The following MYLK variants were observed in gnomAD, a reference collection of about 807,000 sequenced individuals.
MYLK encodes the protein myosin light chain kinase.
MYLK carries 106 observed loss-of-function variants against 203.4 expected under a neutral mutation model. The ratio of observed to expected loss-of-function variants is 0.52; its 90% CI spans 0.45 to 0.61. MYLK has a LOEUF of 0.61. Ranked by LOEUF, MYLK falls within the 20% of genes least tolerant of loss-of-function variation. The probability of loss-of-function intolerance (pLI) is 0.00; values close to 1 mark genes in which losing one functional copy is unlikely to be tolerated. For synonymous variants in MYLK, 867 were observed against 959.5 expected (o/e 0.90, Z 1.78); for missense variants, 2,072 against 2,442.3 (o/e 0.85, Z 3.20).
At chr3:123,785,614 G>A (rs1006680205) in intron 4 of MYLK, among the ~76,000 whole-genome samples, 4 of 152,206 alleles carry the variant, frequency 2.6e-5, no homozygotes, top group South Asian at 4.1e-4. Flanking sequence ...TTGTGAATGG[G>A]ACAACTATTT....
intron 4 of MYLK, among the ~76,000 whole-genome samples, chr3:123,777,820 G>A (rs2064135018): frequency 6.6e-6 from 1 of 152,136 alleles, no homozygotes; most frequent in South Asian, 2.1e-4. Context: ...TTATGCACAG[G>A]GACATGTGTA....
intron 4 of MYLK, among the ~76,000 whole-genome samples, chr3:123,791,135 A>G (rs6438810): frequency 0.046 from 7,021 of 152,182 alleles, 529 homozygotes; most frequent in African/African-American, 0.16. Context: ...CAGGACCTGG[A>G]GGGAGGGGTC....
chr3:123,709,006 T>A (rs2061575393), intron 14 of MYLK, 111 bp from the exon 15 acceptor site: 1 of 852,576 alleles, frequency 1.2e-6, no homozygotes, highest in Admixed American at 2.2e-5. Flanking sequence ...CAACTCTCTA[T>A]GCTTTCACTT....
chr3:123,786,937 G>A (rs974939039), intron 4 of MYLK, among the ~76,000 whole-genome samples: 1 of 152,198 alleles, frequency 6.6e-6, no homozygotes, highest in Non-Finnish European at 1.5e-5. Flanking sequence ...CCTATATAGA[G>A]TAGAAGTGAG....
In MYLK at chr3:123,684,097, A is replaced by G. The variant is rs2060365794; in HGVS notation, c.3566-1787T>C. On this transcript the variant is annotated intron_variant, in intron 19 of 33. Coordinates refer to ENST00000360304, the MANE Select transcript of MYLK (RefSeq NM_053025.4). ...CTTACACTGGACATTTTCCCCAAGG[A>G]TCGTGGTCATTCTCAGCTACAGAAA... Among the ~76,000 whole-genome samples the G allele has an allele frequency of 2.0e-5, 3 of 152,232 alleles. No individual in the cohort carries two copies. The South Asian group carries it at 6.2e-4, about 32-fold the overall frequency.
intron 3 of MYLK, chr3:123,814,175 C>T (rs748973350): frequency 9.3e-6 from 3 of 322,906 alleles, no homozygotes; most frequent in Non-Finnish European, 1.9e-5. Context: ...TCCTGTGTCT[C>T]GGGCTCAGGG....
intron 24 of MYLK, among the ~76,000 whole-genome samples, chr3:123,652,381 G>A (rs1363244894): frequency 1.3e-5 from 2 of 152,218 alleles, no homozygotes; most frequent in Non-Finnish European, 2.9e-5. Context: ...AGATATTTCT[G>A]CAAACAGATG....
rs542513641 is a variant in MYLK, at chr3:123,703,853, C to T, written c.2391-2344G>A. 5.9e-5 allele frequency among the ~76,000 whole-genome samples: 9 copies of T among 152,334 alleles called. No individual in the cohort carries two copies. In the South Asian group the frequency reaches 6.2e-4, roughly 11 times the overall value. ...TTCAGCATCTCCTCAGCAGAGTTTC[C>T]TCCTGTCACCAGTAGAACACAGCCC... On this transcript the variant is annotated intron_variant, in intron 16 of 33. Transcript: ENST00000360304.
chr3:123,774,064 G>C (rs1444243958), intron 4 of MYLK, among the ~76,000 whole-genome samples: 2 of 152,218 alleles, frequency 1.3e-5, no homozygotes, highest in African/African-American at 4.8e-5. Context: ...TCTGGGGCAT[G>C]GAAAAGCAAG....
chr3:123,648,765 T>C lies in MYLK; in HGVS notation c.4415+206A>G, dbSNP rs1459323075. Among the ~76,000 whole-genome samples, 2 of 152,038 alleles carry C rather than the reference T, an allele frequency of 1.3e-5. No homozygotes were observed. The highest frequency in any genetic ancestry group is 2.4e-5 in the African/African-American group (1 of 41,374). ...CACAGCCTTTGCAGAGTTGGGGCAG[T>C]GTAGGACCGCATGGGCAACTCTGCA... On this transcript the variant is annotated intron_variant, in intron 26 of 33. Transcript: ENST00000360304. This position sits in a 1 kb window ranked among gnomAD's most constrained non-coding sequence, Gnocchi z 4.5.
chr3:123,873,328 G>A lies in MYLK; in HGVS notation c.-127+3231C>T, dbSNP rs138752283. On this transcript the variant is annotated intron_variant, in intron 2 of 33. Transcript: ENST00000360304. Reference sequence around the variant, plus strand: ...TAAAAAGTATCTACAAAAAACCTATGACTAATATCATACAAGATGATAGAA... The same window carrying A: ...TAAAAAGTATCTACAAAAAACCTATAACTAATATCATACAAGATGATAGAA... Among the ~76,000 whole-genome samples, 451 of 152,058 alleles carry A rather than the reference G, an allele frequency of 3.0e-3. 2 individuals are homozygous for A. The highest frequency in any genetic ancestry group is 1.0e-2 in the African/African-American group (414 of 41,496).
At chr3:123,835,564 G>A (rs952892437) in intron 2 of MYLK, among the ~76,000 whole-genome samples, 3 of 152,168 alleles carry the variant, frequency 2.0e-5, no homozygotes, top group Non-Finnish European at 4.4e-5. Flanking sequence ...TTGTATTCCT[G>A]TTTGAATAGC....
chr3:123,811,578 G>C (rs1457994919), intron 3 of MYLK, among the ~76,000 whole-genome samples: 2 of 152,086 alleles, frequency 1.3e-5, no homozygotes, highest in East Asian at 3.9e-4. Context: ...ACCCTACCGG[G>C]GACACTGTGC....
At chr3:123,638,936 A>G in intron 28 of MYLK, 1 of 985,420 alleles carries the variant, frequency 1.0e-6, no homozygotes, top group Non-Finnish European at 1.2e-6. Flanking sequence ...CTCACAGCAA[A>G]TGTTCTAAAA....
intron 33 of MYLK, chr3:123,616,277 C>G (rs1251079943): frequency 2.0e-5 from 3 of 152,010 alleles, no homozygotes; most frequent in African/African-American, 7.2e-5. Flanking sequence ...ATGGACCTCA[C>G]CAATGAGCCT....
chr3:123,654,176 C>G (rs183908466), intron 24 of MYLK, among the ~76,000 whole-genome samples: 1 of 152,328 alleles, frequency 6.6e-6, no homozygotes, highest in East Asian at 1.9e-4. Flanking sequence ...GAGACCTGCT[C>G]TATGCATATT....
intron 16 of MYLK, among the ~76,000 whole-genome samples, chr3:123,705,009 TC>T (rs1424585173): frequency 1.3e-5 from 2 of 152,338 alleles, no homozygotes; most frequent in East Asian, 3.9e-4. Flanking sequence ...TGACTTTTTG[TC>T]ATTTCCCCTT....
intron 20 of MYLK, among the ~76,000 whole-genome samples, chr3:123,668,265 A>G (rs2059803288): frequency 1.3e-5 from 2 of 152,210 alleles, no homozygotes; most frequent in South Asian, 4.1e-4. Flanking sequence ...GGCCTTATTC[A>G]TAATTGCCAA....
At chr3:123,783,286 A>G (rs1336572067) in intron 4 of MYLK, among the ~76,000 whole-genome samples, 5 of 152,182 alleles carry the variant, frequency 3.3e-5, no homozygotes, top group African/African-American at 9.6e-5. Context: ...GGCTGAACCA[A>G]TAATCAGTAC....
Sources: allele counts gnomAD v4.1 joint callset (sites outside exome capture counted in the v4.1 genomes callset), GRCh38; gene constraint gnomAD v4.1.1; non-coding constraint Gnocchi (gnomAD v3.1); transcripts MANE v1.5; gene names NCBI Gene and HGNC (gene_info 2026-07-23, HGNC 2026-07-21).